Variants in APBB2 observed in about 807,000 individuals in gnomAD.
APBB2 encodes Fe65-like 1.
In APBB2, 38 loss-of-function variants were observed where a neutral mutation model predicts 82.5. That is an observed-to-expected ratio of 0.46 (90% confidence interval 0.36 to 0.60). APBB2 has a LOEUF of 0.60. Among genes scored for constraint, APBB2 ranks in the 20% least tolerant of loss-of-function variants. APBB2 has a pLI of 0.00. For missense variants in APBB2, 772 were observed against 972.3 expected (o/e 0.79, Z 2.74); for synonymous variants, 341 against 368.2 (o/e 0.93, Z 0.85).
At chr4:41,050,738 G>C (rs1167585880) in intron 4 of APBB2, among the ~76,000 whole-genome samples, 1 of 152,220 alleles carries the variant, frequency 6.6e-6, no homozygotes, top group Non-Finnish European at 1.5e-5. Flanking sequence ...AGGAAGGAAA[G>C]AGAAAGGGAG....
intron 6 of APBB2, among the ~76,000 whole-genome samples, chr4:40,958,926 A>G (rs535899856): frequency 6.6e-6 from 1 of 152,308 alleles, no homozygotes; most frequent in South Asian, 2.1e-4. Context: ...ATAATTTTAA[A>G]AAGTAGAGAT....
chr4:41,043,109 T>C (rs7672210), intron 4 of APBB2, among the ~76,000 whole-genome samples: 27,326 of 152,202 alleles, frequency 0.18, 2,664 homozygotes, highest in Middle Eastern at 0.26. Context: ...TAGTCTCTAC[T>C]GCTAACTGTT....
At position 40,987,388 on chromosome 4, in the gene APBB2, T is replaced by C. The variant is rs147979648; in HGVS notation, c.835+26195A>G. On this transcript the variant is annotated intron_variant, in intron 6 of 17. Coordinates refer to ENST00000508593, the MANE Select transcript of APBB2 (RefSeq NM_004307.2). ...TTTAAAATGTAAAGTTACACAATCATCAGCGGGAAGGTTTGACGGTTTGAT... is the reference window on the plus strand; with the variant it reads ...TTTAAAATGTAAAGTTACACAATCACCAGCGGGAAGGTTTGACGGTTTGAT... Among the ~76,000 whole-genome samples, 854 of 152,334 alleles carry C rather than the reference T, an allele frequency of 5.6e-3. 10 individuals carry two copies. The highest frequency in any genetic ancestry group is 0.024 in the Admixed American group (365 of 15,306).
chr4:40,924,464 C>T lies in APBB2; in HGVS notation c.1254+9992G>A, dbSNP rs1398815676. On this transcript the variant is annotated intron_variant, in intron 10 of 17. Transcript: ENST00000508593. ...TCTGACAACTCTGAACAACAGAATA[C>T]GGTGGAAGTGACATGCTGCCATTGC... is the stretch of plus-strand genomic sequence containing the variant. 2.6e-5 allele frequency among the ~76,000 whole-genome samples: 4 copies of T among 152,182 alleles called. No homozygotes were observed. In the East Asian group the frequency reaches 5.8e-4, roughly 22 times the overall value.
At chr4:41,151,863 T>A (rs1300904709) in intron 1 of APBB2, among the ~76,000 whole-genome samples, 1 of 152,048 alleles carries the variant, frequency 6.6e-6, no homozygotes, top group Non-Finnish European at 1.5e-5. Flanking sequence ...GCCCATAAAT[T>A]ACTTAGATTT....
chr4:40,975,166 C>A (rs1796838431), intron 6 of APBB2, among the ~76,000 whole-genome samples: 1 of 152,176 alleles, frequency 6.6e-6, no homozygotes, highest in Non-Finnish European at 1.5e-5. Flanking sequence ...TCCGTCCTCC[C>A]ACCATCCACT....
At chr4:41,089,005 A>G (rs759456871) in intron 3 of APBB2, among the ~76,000 whole-genome samples, 26 of 152,170 alleles carry the variant, frequency 1.7e-4, no homozygotes, top group Non-Finnish European at 3.4e-4. Flanking sequence ...AAGGGGCATT[A>G]ATTTTTTTTT....
chr4:41,108,590 T>C (rs1748079010), intron 2 of APBB2, among the ~76,000 whole-genome samples: 1 of 152,182 alleles, frequency 6.6e-6, no homozygotes. Context: ...TGAGAAACGC[T>C]GTGCAGGTGC....
chr4:40,844,835 T>A (rs1341126993), intron 12 of APBB2, among the ~76,000 whole-genome samples: 1 of 152,262 alleles, frequency 6.6e-6, no homozygotes, highest in Non-Finnish European at 1.5e-5. Flanking sequence ...AAAGGATATG[T>A]TAGTGCTTTG....
intron 4 of APBB2, among the ~76,000 whole-genome samples, chr4:41,043,992 T>C (rs1376716653): frequency 1.3e-5 from 2 of 152,186 alleles, no homozygotes; most frequent in East Asian, 3.8e-4. Context: ...ATTCAGTCTG[T>C]GGTGGTATGA....
At chr4:41,138,390 T>C (rs1014544015) in intron 2 of APBB2, among the ~76,000 whole-genome samples, 1 of 152,196 alleles carries the variant, frequency 6.6e-6, no homozygotes, top group African/African-American at 2.4e-5. Context: ...AATTTATCAA[T>C]GATTAAAATT....
intron 10 of APBB2, among the ~76,000 whole-genome samples, chr4:40,903,156 A>G (rs962873645): frequency 6.6e-6 from 1 of 152,076 alleles, no homozygotes; most frequent in Non-Finnish European, 1.5e-5. Flanking sequence ...CTCTAAAAAA[A>G]ACAGTAATAA....
chr4:41,043,936 A>G (rs573283593), intron 4 of APBB2, among the ~76,000 whole-genome samples: 2 of 152,128 alleles, frequency 1.3e-5, no homozygotes, highest in Non-Finnish European at 2.9e-5. Flanking sequence ...CAACCTCTGA[A>G]TTGCCTGCAA....
intron 1 of APBB2, among the ~76,000 whole-genome samples, chr4:41,214,097 G>A (rs1211439581): frequency 3.3e-5 from 5 of 152,218 alleles, no homozygotes; most frequent in African/African-American, 7.2e-5. Flanking sequence ...GCCGGGAAGC[G>A]GGAGGGATGG....
At chr4:40,864,674 A>C (rs150967267) in intron 12 of APBB2, among the ~76,000 whole-genome samples, 24 of 152,182 alleles carry the variant, frequency 1.6e-4, no homozygotes, top group African/African-American at 5.5e-4. Flanking sequence ...CCACTACTCC[A>C]AAGACTGCGG....
intron 10 of APBB2, among the ~76,000 whole-genome samples, chr4:40,907,166 A>C (rs1776988506): frequency 6.6e-6 from 1 of 151,750 alleles, no homozygotes; most frequent in African/African-American, 2.4e-5. Flanking sequence ...ACTGAGGTAC[A>C]GGGTAGTTGT....
chr4:41,205,768 T>A (rs984174679), intron 1 of APBB2, among the ~76,000 whole-genome samples: 1 of 152,252 alleles, frequency 6.6e-6, no homozygotes, highest in African/African-American at 2.4e-5. Context: ...TTCTCTGCCC[T>A]TATACATTCA....
At chr4:40,924,728 C>T (rs1311623358) in intron 10 of APBB2, among the ~76,000 whole-genome samples, 3 of 152,202 alleles carry the variant, frequency 2.0e-5, no homozygotes, top group Non-Finnish European at 4.4e-5. Flanking sequence ...AGGAACTGCA[C>T]CGCCAAACCC....
intron 6 of APBB2, among the ~76,000 whole-genome samples, chr4:41,011,328 G>A (rs1182133178): frequency 6.8e-6 from 1 of 147,572 alleles, no homozygotes; most frequent in African/African-American, 2.5e-5. Flanking sequence ...CTACAGGCAC[G>A]CACCACCACA....
Sources: allele counts gnomAD v4.1 joint callset (sites outside exome capture counted in the v4.1 genomes callset), GRCh38; gene constraint gnomAD v4.1.1; transcripts MANE v1.5; gene names NCBI Gene and HGNC (gene_info 2026-07-23, HGNC 2026-07-21).